Variants in ENO4 observed in about 807,000 individuals in gnomAD.
The protein encoded by ENO4 is enolase 4.
Under a neutral mutation model 63.2 loss-of-function variants are expected in ENO4, and 53 were observed. The observed-to-expected ratio is 0.84, with a 90% CI of 0.67 to 1.05. The LOEUF is 1.05. ENO4 is among the 50% of genes least tolerant of loss of function. The pLI, the probability that ENO4 is intolerant of heterozygous loss-of-function variation, is 0.00. For missense variants in ENO4, 719 were observed against 772.0 expected, an observed-to-expected ratio of 0.93 and a Z score of 0.81; for synonymous variants, 266 against 283.8, an observed-to-expected ratio of 0.94 and a Z score of 0.63.
intron 10 of ENO4, among the ~76,000 whole-genome samples, chr10:116,903,674 C>G (rs1464220082): frequency 2.6e-5 from 4 of 152,150 alleles, no homozygotes; most frequent in Non-Finnish European, 5.9e-5. Context: ...TCAAGATTTG[C>G]TTCTGATCAG....
chr10:116,904,206 C>T (rs1328830825), intron 10 of ENO4, among the ~76,000 whole-genome samples: 1 of 152,194 alleles, frequency 6.6e-6, no homozygotes, highest in Non-Finnish European at 1.5e-5. Context: ...GAGACACCAA[C>T]CTATCCAACT....
intron 10 of ENO4, among the ~76,000 whole-genome samples, chr10:116,903,004 A>G (rs1034577619): frequency 2.0e-5 from 3 of 152,222 alleles, no homozygotes; most frequent in Admixed American, 2.0e-4. Context: ...ATAGCGTAAC[A>G]TATCAACTCT....
downstream of ENO4, chr10:116,883,934 ATTTTCT>A (rs1217803120): frequency 5.2e-6 from 1 of 191,004 alleles, no homozygotes; most frequent in Non-Finnish European, 1.1e-5. Flanking sequence ...AAAAAGAGAC[ATTTTCT>A]TTTTCTTTAA....
At chr10:116,906,160 T>A (rs1228711867) in intron 10 of ENO4, among the ~76,000 whole-genome samples, 1 of 152,284 alleles carries the variant, frequency 6.6e-6, no homozygotes, top group African/African-American at 2.4e-5. Context: ...ACTTACTGAC[T>A]TAATCTTTAG....
intron 2 of ENO4, 63 bp from the exon 3 acceptor site, chr10:116,856,429 C>CATTTA: frequency 7.5e-7 from 1 of 1,325,364 alleles, no homozygotes; most frequent in Non-Finnish European, 1.0e-6. Flanking sequence ...AAGCTGGATT[C>CATTTA]ATTTAATTTC....
At chr10:116,902,213 C>G (rs2133325792) in intron 10 of ENO4, among the ~76,000 whole-genome samples, 1 of 152,310 alleles carries the variant, frequency 6.6e-6, no homozygotes, top group African/African-American at 2.4e-5. Context: ...CCACAATTCC[C>G]TCACTGACCA....
chr10:116,850,049 G>C, intron 1 of ENO4: 2 of 508,574 alleles, frequency 3.9e-6, no homozygotes, highest in Non-Finnish European at 7.1e-6. Flanking sequence ...TTGTGGGCCG[G>C]CCCACCGCCC....
chr10:116,854,940 C>CAAAAAAAAA (rs71013620), intron 1 of ENO4, among the ~76,000 whole-genome samples: 14 of 41,524 alleles, frequency 3.4e-4, no homozygotes, highest in East Asian at 9.3e-4. Context: ...GACCCTGTCT[C>CAAAAAAAAA]AAAAAAAAAA....
At chr10:116,878,823 A>G (rs2133281487) in intron 11 of ENO4, among the ~76,000 whole-genome samples, 2 of 141,276 alleles carry the variant, frequency 1.4e-5, no homozygotes, top group South Asian at 4.4e-4. Context: ...AGCTCACTGC[A>G]AGCTCTGCCT....
chr10:116,872,163 C>T (rs922000992), intron 9 of ENO4, among the ~76,000 whole-genome samples: 3 of 152,350 alleles, frequency 2.0e-5, no homozygotes, highest in Middle Eastern at 3.4e-3. Context: ...TGCCATTGCA[C>T]TCCAGCCTGG....
downstream of ENO4, chr10:116,884,223 A>G (rs1847101300): frequency 2.2e-6 from 1 of 457,468 alleles, no homozygotes; most frequent in African/African-American, 2.0e-5. Context: ...CGGTTCTCCT[A>G]TGTCTTCCTA....
chr10:116,887,884 G>GC (rs1847215248), intron 10 of ENO4, among the ~76,000 whole-genome samples: 1 of 152,144 alleles, frequency 6.6e-6, no homozygotes, highest in Admixed American at 6.5e-5. Flanking sequence ...TGTCTCTCTT[G>GC]CAACAAAAAC....
At chr10:116,879,647 C>T (rs1200884201) in intron 12 of ENO4, among the ~76,000 whole-genome samples, 9 of 152,148 alleles carry the variant, frequency 5.9e-5, no homozygotes, top group Non-Finnish European at 1.3e-4. Flanking sequence ...ATCAGCATGC[C>T]TACGTGACTA....
chr10:116,853,071 G>A lies in ENO4; in HGVS notation c.166-2552G>A, dbSNP rs532396782. Among the ~76,000 whole-genome samples the A allele has an allele frequency of 9.9e-5, 15 of 152,146 alleles. 1 individual carries two copies. The South Asian group carries it at 1.7e-3, about 17-fold the overall frequency. Reference sequence around the variant, plus strand: ...AGCACTTTGGGAGGCTGAGGCGGGCGGATCACAAGGTCAGGAGATCGAGAC... The same window carrying A: ...AGCACTTTGGGAGGCTGAGGCGGGCAGATCACAAGGTCAGGAGATCGAGAC... On this transcript the variant is annotated intron_variant, in intron 1 of 13. Transcript: ENST00000341276.
intron 1 of ENO4, among the ~76,000 whole-genome samples, chr10:116,852,060 G>C (rs1846104928): frequency 6.6e-6 from 1 of 152,038 alleles, no homozygotes; most frequent in African/African-American, 2.4e-5. Flanking sequence ...AAATTATGGG[G>C]GTGGTTACTC....
intron 10 of ENO4, among the ~76,000 whole-genome samples, chr10:116,890,708 C>T (rs1374703409): frequency 6.6e-6 from 1 of 152,196 alleles, no homozygotes; most frequent in Non-Finnish European, 1.5e-5. Flanking sequence ...GCTATTGTGC[C>T]CCTACTGCAA....
chr10:116,869,824 C>T (rs749279594), intron 8 of ENO4, among the ~76,000 whole-genome samples: 4 of 152,154 alleles, frequency 2.6e-5, no homozygotes, highest in Non-Finnish European at 4.4e-5. Context: ...GGCAGCCACA[C>T]AAGAATTAGG....
chr10:116,899,072 A>T (rs1847625025), intron 10 of ENO4, among the ~76,000 whole-genome samples: 1 of 152,224 alleles, frequency 6.6e-6, no homozygotes, highest in Admixed American at 6.5e-5. Flanking sequence ...TCATTTATTC[A>T]AAAAGAATTT....
At chr10:116,879,072 G>A (rs1846923107) in intron 11 of ENO4, among the ~76,000 whole-genome samples, 1 of 152,136 alleles carries the variant, frequency 6.6e-6, no homozygotes, top group Admixed American at 6.5e-5. Flanking sequence ...ATGAAACACA[G>A]TATTCATTTA....
Sources: gnomAD v4.1 joint callset for allele counts (sites outside exome capture counted in the v4.1 genomes callset) on GRCh38, gnomAD v4.1.1 for gene constraint, MANE v1.5 for transcripts, NCBI Gene and HGNC (gene_info 2026-07-23, HGNC 2026-07-21) for gene names.